Variants in GRM1 observed in about 807,000 individuals in gnomAD.
The protein encoded by GRM1 is metabotropic glutamate receptor 1.
Under a neutral mutation model 90.9 loss-of-function variants are expected in GRM1, and 33 were observed. That is an observed-to-expected ratio of 0.36 (90% CI 0.28 to 0.49). The LOEUF (loss-of-function observed/expected upper bound fraction) is 0.49, where lower values mean the gene tolerates loss of function less well. GRM1 is among the 20% of genes least tolerant of loss of function. The pLI is 0.99. For missense variants in GRM1, 1,190 were observed against 1,534.3 expected, an observed-to-expected ratio of 0.78 and a Z score of 3.75; for synonymous variants, 700 against 613.2, an observed-to-expected ratio of 1.14 and a Z score of -2.09.
chr6:146,264,176 G>A (rs1781793166), intron 2 of GRM1, among the ~76,000 whole-genome samples: 1 of 152,088 alleles, frequency 6.6e-6, no homozygotes, highest in Non-Finnish European at 1.5e-5. Flanking sequence ...CTATTAAAGA[G>A]AAAATACATT....
intron 7 of GRM1, among the ~76,000 whole-genome samples, chr6:146,405,066 T>C (rs1466729876): frequency 6.6e-6 from 1 of 152,190 alleles, no homozygotes; most frequent in Admixed American, 6.6e-5. Flanking sequence ...AGTGAAATAC[T>C]GCTACTATTA....
At chr6:146,114,521 G>T (rs1226788140) in intron 1 of GRM1, among the ~76,000 whole-genome samples, 3 of 152,044 alleles carry the variant, frequency 2.0e-5, no homozygotes, top group African/African-American at 7.2e-5. Context: ...ATAAATAATA[G>T]TTGTAGAATG....
intron 1 of GRM1, among the ~76,000 whole-genome samples, chr6:146,128,172 G>A (rs1776265153): frequency 6.6e-6 from 1 of 152,170 alleles, no homozygotes; most frequent in African/African-American, 2.4e-5. Flanking sequence ...CCAGATCACA[G>A]TCACAGACCC....
intron 5 of GRM1, among the ~76,000 whole-genome samples, chr6:146,377,435 A>C (rs903957948): frequency 2.0e-5 from 3 of 152,148 alleles, no homozygotes; most frequent in Non-Finnish European, 2.9e-5. Context: ...CACTTTTGCT[A>C]TACAAAGAGA....
At chr6:146,373,914 T>C (rs1262973858) in intron 5 of GRM1, among the ~76,000 whole-genome samples, 2 of 152,160 alleles carry the variant, frequency 1.3e-5, no homozygotes, top group African/African-American at 4.8e-5. Flanking sequence ...AAAGCAGTGC[T>C]GATAGTGAGT....
At chr6:146,264,194 A>C (rs1176665784) in intron 2 of GRM1, among the ~76,000 whole-genome samples, 2 of 152,146 alleles carry the variant, frequency 1.3e-5, no homozygotes, top group Admixed American at 1.3e-4. Context: ...ATTCAGTTTG[A>C]GGACTGTATG....
chr6:146,086,004 T>C (rs1415501029), intron 1 of GRM1, among the ~76,000 whole-genome samples: 1 of 152,134 alleles, frequency 6.6e-6, no homozygotes, highest in East Asian at 1.9e-4. Flanking sequence ...TATAGAAATA[T>C]AAGTTGTGCC....
chr6:146,209,894 A>C (rs1779626675), intron 2 of GRM1, among the ~76,000 whole-genome samples: 1 of 152,164 alleles, frequency 6.6e-6, no homozygotes, highest in African/African-American at 2.4e-5. Flanking sequence ...TTCCAGGTTT[A>C]AGGGTCTTGG....
At chr6:146,215,661 A>AG (rs11449812) in intron 2 of GRM1, among the ~76,000 whole-genome samples, 33,403 of 151,934 alleles carry the variant, frequency 0.22, 7,563 homozygotes, top group African/African-American at 0.58. Context: ...ACCACCAAAA[A>AG]TCTTCTCCTT....
At chr6:146,041,160 G>A (rs1218719950) in intron 1 of GRM1, among the ~76,000 whole-genome samples, 1 of 151,830 alleles carries the variant, frequency 6.6e-6, no homozygotes, top group African/African-American at 2.4e-5. Context: ...TTGCTTTTAT[G>A]TGTTATCTTG....
intron 1 of GRM1, among the ~76,000 whole-genome samples, chr6:146,123,740 A>G (rs998428924): frequency 6.6e-6 from 1 of 152,108 alleles, no homozygotes; most frequent in Non-Finnish European, 1.5e-5. Flanking sequence ...GTTCAGCTCT[A>G]TTCGATTTTT....
At chr6:146,258,726 G>A (rs1430371478) in intron 2 of GRM1, among the ~76,000 whole-genome samples, 2 of 151,958 alleles carry the variant, frequency 1.3e-5, no homozygotes, top group Non-Finnish European at 2.9e-5. Flanking sequence ...GTTTGCTCAG[G>A]GGCCCCATGT....
At chr6:146,375,490 G>A (rs1218230044) in intron 5 of GRM1, among the ~76,000 whole-genome samples, 1 of 151,896 alleles carries the variant, frequency 6.6e-6, no homozygotes, top group African/African-American at 2.4e-5. Flanking sequence ...CTGACAGTGG[G>A]TTGTTGAAAT....
At chr6:146,251,265 T>A (rs1176199434) in intron 2 of GRM1, among the ~76,000 whole-genome samples, 1 of 152,174 alleles carries the variant, frequency 6.6e-6, no homozygotes, top group Non-Finnish European at 1.5e-5. Context: ...ATGTCTATTA[T>A]CCCTTCTTTC....
At chr6:146,098,512 G>T (rs770886813) in intron 1 of GRM1, among the ~76,000 whole-genome samples, 11 of 151,592 alleles carry the variant, frequency 7.3e-5, no homozygotes, top group African/African-American at 2.7e-4. Flanking sequence ...TAATTGTCAC[G>T]CCTGTTGTTT....
chr6:146,304,298 G>A (rs1306133052), intron 2 of GRM1, among the ~76,000 whole-genome samples: 1 of 152,162 alleles, frequency 6.6e-6, no homozygotes, highest in Non-Finnish European at 1.5e-5. Context: ...CTTTGTGGCT[G>A]AATGTCTTCC....
At chr6:146,077,870 G>C (rs944130756) in intron 1 of GRM1, among the ~76,000 whole-genome samples, 1 of 152,158 alleles carries the variant, frequency 6.6e-6, no homozygotes, top group Non-Finnish European at 1.5e-5. Context: ...ACAGGGCAGA[G>C]GCAACTCAAT....
At chr6:146,297,306 G>C (rs150382258) in intron 2 of GRM1, among the ~76,000 whole-genome samples, 1 of 151,802 alleles carries the variant, frequency 6.6e-6, no homozygotes, top group East Asian at 1.9e-4. Flanking sequence ...GACTACAGGC[G>C]CGTGCCACCA....
chr6:146,207,649 A>T (rs1431878058), intron 2 of GRM1, among the ~76,000 whole-genome samples: 1 of 152,214 alleles, frequency 6.6e-6, no homozygotes, highest in East Asian at 1.9e-4. Flanking sequence ...ATATTTGGCC[A>T]TAATACTATC....
Sources: allele counts gnomAD v4.1 joint callset (sites outside exome capture counted in the v4.1 genomes callset), GRCh38; gene constraint gnomAD v4.1.1; transcripts MANE v1.5; gene names NCBI Gene and HGNC (gene_info 2026-07-23, HGNC 2026-07-21).